GKAP1: variants seen among roughly 807,000 people sequenced by gnomAD.
GKAP1 encodes the protein G kinase anchoring protein 1, also known as G kinase-anchoring protein 1.
Under a neutral mutation model 56.7 loss-of-function variants are expected in GKAP1, and 31 were observed. That is an observed-to-expected ratio of 0.55 (90% confidence interval 0.41 to 0.74). The LOEUF is 0.74. Ranked by LOEUF, GKAP1 falls within the 30% of genes least tolerant of loss-of-function variation. GKAP1 has a pLI of 0.00. For missense variants in GKAP1, 364 were observed against 402.3 expected (o/e 0.90, Z 0.82); for synonymous variants, 151 against 138.6 (o/e 1.09, Z -0.63).
chr9:83,740,700 A>G (rs1302139522), intron 12 of GKAP1, among the ~76,000 whole-genome samples: 1 of 152,122 alleles, frequency 6.6e-6, no homozygotes, highest in African/African-American at 2.4e-5. Flanking sequence ...AAAGTTTCCA[A>G]GTGATTCCAA....
intron 8 of GKAP1, among the ~76,000 whole-genome samples, chr9:83,756,470 C>CAAAAAAAAAAAAAAA (rs142896755): frequency 1.8e-3 from 134 of 75,264 alleles, no homozygotes; most frequent in East Asian, 2.5e-3. Context: ...GACTCCATCT[C>CAAAAAAAAAAAAAAA]AAAAAAAAAA....
intron 3 of GKAP1, among the ~76,000 whole-genome samples, chr9:83,803,816 C>T: frequency 6.6e-6 from 1 of 151,668 alleles, no homozygotes; most frequent in Admixed American, 6.5e-5. Context: ...AGGAGCGCCT[C>T]TTCCCGGCAG....
intron 2 of GKAP1, among the ~76,000 whole-genome samples, chr9:83,809,775 A>G (rs905034278): frequency 1.3e-5 from 2 of 152,234 alleles, no homozygotes; most frequent in African/African-American, 4.8e-5. Flanking sequence ...TAGAAAGGTC[A>G]ATTGAATTTG....
At chr9:83,780,483 C>G (rs75303439) in intron 6 of GKAP1, 79 bp from the exon 7 acceptor site, 2 of 447,778 alleles carry the variant, frequency 4.5e-6, no homozygotes, top group Admixed American at 4.6e-5. Context: ...AAAAAAAAAA[C>G]GAAACTGAAA....
chr9:83,771,073 C>A (rs774987823), intron 7 of GKAP1, among the ~76,000 whole-genome samples: 14 of 151,846 alleles, frequency 9.2e-5, no homozygotes, highest in Non-Finnish European at 1.9e-4. Flanking sequence ...GTCCCACATT[C>A]TCTTTTTTTT....
intron 2 of GKAP1, among the ~76,000 whole-genome samples, chr9:83,812,200 T>C (rs539238220): frequency 5.0e-4 from 75 of 149,716 alleles, no homozygotes; most frequent in Non-Finnish European, 8.9e-4. Flanking sequence ...TATACACATA[T>C]ATATACACAT....
At chr9:83,810,991 G>A (rs1196445574) in intron 2 of GKAP1, among the ~76,000 whole-genome samples, 1 of 152,030 alleles carries the variant, frequency 6.6e-6, no homozygotes, top group African/African-American at 2.4e-5. Flanking sequence ...GTAACACAAT[G>A]GTAAGTATTT....
intron 2 of GKAP1, among the ~76,000 whole-genome samples, chr9:83,816,029 T>TATA (rs1944583116): frequency 3.8e-5 from 1 of 26,372 alleles, no homozygotes; most frequent in African/African-American, 2.2e-4. Flanking sequence ...GTATTAAAAA[T>TATA]ACAAAAAAAA....
chr9:83,764,649 C>T (rs562327177), intron 8 of GKAP1, among the ~76,000 whole-genome samples: 1 of 152,052 alleles, frequency 6.6e-6, no homozygotes, highest in Non-Finnish European at 1.5e-5. Context: ...TCTGGAACTT[C>T]CTAGAGACTT....
intron 10 of GKAP1, among the ~76,000 whole-genome samples, chr9:83,747,277 C>G (rs189053671): frequency 1.3e-5 from 2 of 152,258 alleles, no homozygotes; most frequent in East Asian, 3.9e-4. Flanking sequence ...TTTTGTATAT[C>G]AGCTTTACTA....
At chr9:83,762,274 A>C (rs1329997435) in intron 8 of GKAP1, among the ~76,000 whole-genome samples, 1 of 152,146 alleles carries the variant, frequency 6.6e-6, no homozygotes, top group Non-Finnish European at 1.5e-5. Context: ...AACCTGAAAA[A>C]AAAATCAACA....
intron 8 of GKAP1, among the ~76,000 whole-genome samples, chr9:83,760,809 C>A (rs1325835156): frequency 6.6e-6 from 1 of 151,942 alleles, no homozygotes; most frequent in Non-Finnish European, 1.5e-5. Flanking sequence ...TGAAAAATTT[C>A]TTGAAACAAA....
At chr9:83,783,938 C>T (rs540901312) in intron 6 of GKAP1, among the ~76,000 whole-genome samples, 87 of 152,120 alleles carry the variant, frequency 5.7e-4, no homozygotes, top group Middle Eastern at 3.4e-3. Context: ...AGTTTATTTC[C>T]AAACAGTTTT....
intron 4 of GKAP1, chr9:83,793,075 G>T: frequency 1.2e-6 from 1 of 847,090 alleles, no homozygotes; most frequent in Non-Finnish European, 1.6e-6. Flanking sequence ...ATCAGTTAAA[G>T]AGTATGAAGA....
chr9:83,750,854 C>T (rs375712399), intron 9 of GKAP1, among the ~76,000 whole-genome samples: 3 of 151,826 alleles, frequency 2.0e-5, no homozygotes, highest in South Asian at 2.1e-4. Context: ...TTTATTTTTT[C>T]GAGATGGAGT....
At chr9:83,796,282 T>C (rs777472225) in intron 4 of GKAP1, among the ~76,000 whole-genome samples, 56 of 152,134 alleles carry the variant, frequency 3.7e-4, no homozygotes, top group Non-Finnish European at 5.9e-4. Flanking sequence ...TTCAGGGACA[T>C]TAATTATGCC....
At chr9:83,765,744 TG>T (rs1300388846) in intron 8 of GKAP1, among the ~76,000 whole-genome samples, 5 of 152,254 alleles carry the variant, frequency 3.3e-5, no homozygotes, top group African/African-American at 1.2e-4. Context: ...GTAGCCCCTC[TG>T]TTTTGGCCAA....
At chr9:83,765,909 G>C (rs1185470013) in intron 8 of GKAP1, among the ~76,000 whole-genome samples, 1 of 152,148 alleles carries the variant, frequency 6.6e-6, no homozygotes, top group Non-Finnish European at 1.5e-5. Context: ...TGGGTTAATC[G>C]TGGAATGAGT....
At chr9:83,798,227 A>C (rs1232578562) in intron 4 of GKAP1, among the ~76,000 whole-genome samples, 1 of 152,248 alleles carries the variant, frequency 6.6e-6, no homozygotes, top group Non-Finnish European at 1.5e-5. Context: ...CTAGAATGAT[A>C]CTTATTCTGA....
Sources: allele counts gnomAD v4.1 joint callset (sites outside exome capture counted in the v4.1 genomes callset), GRCh38; gene constraint gnomAD v4.1.1; transcripts MANE v1.5; gene names NCBI Gene and HGNC (gene_info 2026-07-23, HGNC 2026-07-21).